The following DNASE1L3 variants were observed in gnomAD, a reference collection of about 807,000 sequenced individuals.
DNASE1L3 encodes deoxyribonuclease gamma.
Under a neutral mutation model 30.9 loss-of-function variants are expected in DNASE1L3, and 27 were observed. The observed-to-expected ratio is 0.87, with a 90% CI of 0.64 to 1.20. The LOEUF is 1.20. Among genes scored for constraint, DNASE1L3 ranks in the 50% most tolerant of loss-of-function variants. DNASE1L3 has a pLI of 0.00. For synonymous variants in DNASE1L3, 135 were observed against 138.0 expected (o/e 0.98, Z 0.15); for missense variants, 364 against 378.2 (o/e 0.96, Z 0.31).
chr3:58,204,921 C>T (rs766536072), intron 3 of DNASE1L3, 40 bp from the exon 4 acceptor site: 7 of 1,580,130 alleles, frequency 4.4e-6, no homozygotes, highest in Non-Finnish European at 6.1e-6. Context: ...CTGAGTCAGC[C>T]CTTTTCTTAC....
intron 2 of DNASE1L3, among the ~76,000 whole-genome samples, chr3:58,207,057 A>G (rs2097404499): frequency 6.6e-6 from 1 of 152,130 alleles, no homozygotes; most frequent in Admixed American, 6.5e-5. Flanking sequence ...GCTTTTGTTC[A>G]AAAGTCCCTA....
intron 6 of DNASE1L3, among the ~76,000 whole-genome samples, chr3:58,195,613 C>CAAA (rs34773952): frequency 0.015 from 578 of 38,434 alleles, 103 homozygotes; most frequent in African/African-American, 0.036. Flanking sequence ...ACTAAAATTA[C>CAAA]AAAAAAAAAA....
chr3:58,205,644 A>G (rs968410246), intron 2 of DNASE1L3, 84 bp from the exon 3 acceptor site: 1 of 1,154,272 alleles, frequency 8.7e-7, no homozygotes. Context: ...ATCTGCCTCC[A>G]TACGCCCAAT....
intron 1 of DNASE1L3, among the ~76,000 whole-genome samples, chr3:58,209,096 C>G (rs1180749317): frequency 6.6e-6 from 1 of 152,250 alleles, no homozygotes; most frequent in Middle Eastern, 3.4e-3. Flanking sequence ...AAAATTAGCA[C>G]CTATAGGAGG....
intron 4 of DNASE1L3, among the ~76,000 whole-genome samples, chr3:58,202,249 G>A (rs555754362): frequency 6.8e-4 from 100 of 147,556 alleles, no homozygotes; most frequent in African/African-American, 2.5e-3. Flanking sequence ...AGGTTCAAGT[G>A]ATTCTCCTGC....
intron 3 of DNASE1L3, 149 bp from the exon 4 acceptor site, chr3:58,205,030 C>T: frequency 1.5e-6 from 1 of 688,264 alleles, no homozygotes; most frequent in East Asian, 2.7e-5. Flanking sequence ...GCTAAGTCAA[C>T]TCTTCTCAAC....
At position 58,197,992 on chromosome 3, in the gene DNASE1L3, T is replaced by G. The variant is rs1261382727; in HGVS notation, c.547-14A>C. On this transcript the variant is annotated splice_polypyrimidine_tract_variant and intron_variant, in intron 5 of 7. Transcript: ENST00000394549. This position sits in a 1 kb window ranked among gnomAD's most constrained non-coding sequence, Gnocchi z 5.3. ...GAAAATGAAATTCTAAAAGACAAGATTTGGAACTGTCACCTGGTGGGTGCT... is the reference window on the plus strand; with the variant it reads ...GAAAATGAAATTCTAAAAGACAAGAGTTGGAACTGTCACCTGGTGGGTGCT... 1.3e-6 allele frequency: 2 copies of G among 1,597,014 alleles called. No homozygotes were observed. Among genetic ancestry groups the G allele is most frequent in the East Asian group, 4.5e-5 (2 of 44,808 alleles).
At chr3:58,201,300 C>A (rs2097400411) in intron 4 of DNASE1L3, among the ~76,000 whole-genome samples, 191 bp from the exon 5 acceptor site, 1 of 152,186 alleles carries the variant, frequency 6.6e-6, no homozygotes, top group Admixed American at 6.5e-5. Flanking sequence ...ATTTTTAGTA[C>A]ACGAAAGACT....
chr3:58,203,258 C>A (rs1016506789), intron 4 of DNASE1L3, among the ~76,000 whole-genome samples: 3 of 152,194 alleles, frequency 2.0e-5, no homozygotes, highest in Admixed American at 2.0e-4. Context: ...GCCTCCACTG[C>A]ACTCCTCCAT....
At chr3:58,205,161 A>C (rs1019813952) in intron 3 of DNASE1L3, among the ~76,000 whole-genome samples, 1 of 152,230 alleles carries the variant, frequency 6.6e-6, no homozygotes, top group Non-Finnish European at 1.5e-5. Context: ...AAGAATACGA[A>C]GTTCAGGAAT....
chr3:58,197,713 A>G lies in DNASE1L3; in HGVS notation c.704+108T>C. On this transcript the variant is annotated intron_variant, in intron 6 of 7. Coordinates refer to ENST00000394549, the MANE Select transcript of DNASE1L3 (RefSeq NM_004944.4). This position sits in a 1 kb window ranked among gnomAD's most constrained non-coding sequence, Gnocchi z 5.3. ...AGCGATCCATCCATCGAGGCCTCCCAAAGTGCTAGGACTACTGGCGTGAGC... is the reference window on the plus strand; with the variant it reads ...AGCGATCCATCCATCGAGGCCTCCCGAAGTGCTAGGACTACTGGCGTGAGC... The G allele has an allele frequency of 6.6e-7, 1 of 1,512,726 alleles. No individual in the cohort carries two copies. The highest frequency in any genetic ancestry group is 2.4e-4 in the Middle Eastern group (1 of 4,188). 93.7% of individuals were successfully genotyped at this position (1,512,726 alleles called of 1,614,324 possible). A position where few individuals can be genotyped will look rare whatever the true frequency, so the allele number is the denominator to read the frequency against.
At chr3:58,210,712 A>C in intron 1 of DNASE1L3, 54 bp downstream of exon 1, 1 of 1,611,640 alleles carries the variant, frequency 6.2e-7, no homozygotes, top group Non-Finnish European at 8.5e-7. Context: ...GTCTGCAGAC[A>C]GGAGAGAGGG....
At chr3:58,204,246 T>C (rs2097402507) in intron 4 of DNASE1L3, among the ~76,000 whole-genome samples, 1 of 151,696 alleles carries the variant, frequency 6.6e-6, no homozygotes, top group African/African-American at 2.4e-5. Flanking sequence ...GTTCAAGTGA[T>C]TCTCCTACCT....
Position 58,200,598 on chromosome 3 carries a change from C to G in DNASE1L3, c.546+399G>C, listed in dbSNP as rs781153564. Among the ~76,000 whole-genome samples the G allele has an allele frequency of 6.6e-6, 1 of 152,174 alleles. No homozygotes were observed. Among genetic ancestry groups the G allele is most frequent in the Non-Finnish European group, 1.5e-5 (1 of 68,032 alleles). The stretch of plus-strand genomic sequence containing the variant: ...CATGTTAAGATTCTGTCCCTTGCAA[C>G]TGAAACAATCCTGACTGCTCTATGC... On this transcript the variant is annotated intron_variant, in intron 5 of 7. Transcript: ENST00000394549. This position sits in a 1 kb window ranked among gnomAD's most constrained non-coding sequence, Gnocchi z 4.2.
intron 1 of DNASE1L3, among the ~76,000 whole-genome samples, chr3:58,209,101 A>G (rs1242636679): frequency 6.6e-6 from 1 of 152,192 alleles, no homozygotes; most frequent in African/African-American, 2.4e-5. Context: ...TAGCACCTAT[A>G]GGAGGTGCTT....
At chr3:58,195,705 G>T (rs1482029513) in intron 6 of DNASE1L3, among the ~76,000 whole-genome samples, 1 of 149,248 alleles carries the variant, frequency 6.7e-6, no homozygotes, top group Non-Finnish European at 1.5e-5. Context: ...AAAATCGCTT[G>T]AACCCGGGAG....
At chr3:58,204,095 G>A (rs1188524718) in intron 4 of DNASE1L3, among the ~76,000 whole-genome samples, 5 of 151,898 alleles carry the variant, frequency 3.3e-5, no homozygotes, top group Non-Finnish European at 7.4e-5. Flanking sequence ...TGACTGGAGG[G>A]AGAGTGAGCC....
chr3:58,210,683 G>C, intron 1 of DNASE1L3, 83 bp downstream of exon 1: 1 of 1,593,312 alleles, frequency 6.3e-7, no homozygotes, highest in Non-Finnish European at 8.6e-7. Flanking sequence ...CCAACTTTAA[G>C]TTCCTTGAGT....
At chr3:58,194,227 T>C (rs986181853) in intron 6 of DNASE1L3, among the ~76,000 whole-genome samples, 1 of 151,888 alleles carries the variant, frequency 6.6e-6, no homozygotes, top group Non-Finnish European at 1.5e-5. Context: ...TGAGTCAAAC[T>C]GCCATTTCAT....
Sources: allele counts gnomAD v4.1 joint callset (sites outside exome capture counted in the v4.1 genomes callset), GRCh38; gene constraint gnomAD v4.1.1; non-coding constraint Gnocchi (gnomAD v3.1); transcripts MANE v1.5; gene names NCBI Gene and HGNC (gene_info 2026-07-23, HGNC 2026-07-21).